NUDT5: variants seen among roughly 807,000 people sequenced by gnomAD.
The protein encoded by NUDT5 is nudix hydrolase 5.
A neutral mutation model predicts 34.1 loss-of-function variants in NUDT5; 21 were observed. The ratio of observed to expected loss-of-function variants is 0.62; its 90% CI spans 0.44 to 0.89. The LOEUF (loss-of-function observed/expected upper bound fraction) is 0.89, where lower values mean the gene tolerates loss of function less well. NUDT5 is among the 40% of genes least tolerant of loss of function. The pLI is 0.00. For missense variants in NUDT5, 249 were observed against 274.8 expected, an observed-to-expected ratio of 0.91 and a Z score of 0.66; for synonymous variants, 85 against 97.6, an observed-to-expected ratio of 0.87 and a Z score of 0.76.
chr10:12,178,852 A>G (rs1021632622), intron 4 of NUDT5, among the ~76,000 whole-genome samples: 42 of 152,260 alleles, frequency 2.8e-4, no homozygotes, highest in Non-Finnish European at 5.1e-4. Context: ...ACATTTAGTT[A>G]TAAACATTAG....
rs1834817421 is a variant in NUDT5 at position 12,169,955 on chromosome 10, A to G, written c.550+762T>C. ...TTATACCCAATAAAATATTCCCATG[A>G]TGACAAGTGTCTGCTTCTTTCTAGA... On this transcript the variant is annotated intron_variant, in intron 9 of 9. Transcript: ENST00000491614. This position sits in a 1 kb window ranked among gnomAD's most constrained non-coding sequence, Gnocchi z 4.8. The G allele has an allele frequency of 1.6e-6, 1 of 626,818 alleles. No individual in the cohort carries two copies. The highest frequency in any genetic ancestry group is 2.9e-5 in the Admixed American group (1 of 34,722). 38.8% of individuals were successfully genotyped at this position (626,818 alleles called of 1,614,324 possible).
rs1347854443 is a variant in NUDT5 at position 12,181,126 on chromosome 10, C to T, written c.132-1994G>A. ...TTGAAAATATTTAGGAAAAAAATTGCATCTATACTGAACAGGTCCACACTT... is the reference window on the plus strand; with the variant it reads ...TTGAAAATATTTAGGAAAAAAATTGTATCTATACTGAACAGGTCCACACTT... On this transcript the variant is annotated intron_variant, in intron 3 of 9. Transcript: ENST00000491614. This position sits in a 1 kb window ranked among gnomAD's most constrained non-coding sequence, Gnocchi z 5.0. 6.6e-6 allele frequency among the ~76,000 whole-genome samples: 1 copy of T among 152,156 alleles called. No individual in the cohort carries two copies. Among genetic ancestry groups the T allele is most frequent in the African/African-American group, 2.4e-5 (1 of 41,434 alleles).
chr10:12,181,995 A>C lies in NUDT5; in HGVS notation c.132-2863T>G, dbSNP rs968550228. The stretch of plus-strand genomic sequence containing the variant: ...AAAAATACAAAAATCAGCCAGGCCC[A>C]GTGGCATGCACCTCTAGTCCCAGCT... On this transcript the variant is annotated intron_variant, in intron 3 of 9. Transcript: ENST00000491614. The surrounding 1 kb of genome is among the most constrained non-coding windows in gnomAD (Gnocchi z 5.0). Among the ~76,000 whole-genome samples, 2 of 152,032 alleles carry C rather than the reference A, an allele frequency of 1.3e-5. No homozygotes were observed. Among genetic ancestry groups the C allele is most frequent in the African/African-American group, 4.8e-5 (2 of 41,408 alleles).
chr10:12,173,858 TC>T lies in NUDT5; in HGVS notation c.290-46del, dbSNP rs1343437272. The stretch of plus-strand genomic sequence containing the variant: ...GTGTGATGGGAGCGGGAAATCCGGT[TC>T]TTTAAACCCTCCTTTTTTTTTTTTT... On this transcript the variant is annotated intron_variant, in intron 5 of 9. Coordinates refer to ENST00000491614, the MANE Select transcript of NUDT5 (RefSeq NM_014142.4). The surrounding 1 kb of genome is among the most constrained non-coding windows in gnomAD (Gnocchi z 4.7). The T allele has an allele frequency of 1.5e-6, 2 of 1,377,572 alleles. No individual in the cohort carries two copies. Among genetic ancestry groups the T allele is most frequent in the East Asian group, 4.7e-5 (2 of 42,230 alleles). 85.3% of individuals were successfully genotyped at this position (1,377,572 alleles called of 1,614,324 possible).
At position 12,171,029 on chromosome 10, in the gene NUDT5, C is replaced by A; in HGVS notation, c.488-121G>T. ...TCACAGAAGCCTGGGTTTCTGCTAA[C>A]TTAATTTATATACATTGTCAAACTC... On this transcript the variant is annotated intron_variant, in intron 7 of 9. Coordinates refer to ENST00000491614, the MANE Select transcript of NUDT5 (RefSeq NM_014142.4). This position sits in a 1 kb window ranked among gnomAD's most constrained non-coding sequence, Gnocchi z 4.2. The A allele has an allele frequency of 9.7e-7, 1 of 1,025,976 alleles. No individual in the cohort carries two copies. Among genetic ancestry groups the A allele is most frequent in the Non-Finnish European group, 1.5e-6 (1 of 688,852 alleles). 63.6% of individuals were successfully genotyped at this position (1,025,976 alleles called of 1,614,324 possible). A position where few individuals can be genotyped will look rare whatever the true frequency, so the allele number is the denominator to read the frequency against.
In NUDT5 at chr10:12,181,047, A is replaced by T. The variant is rs1364472435; in HGVS notation, c.132-1915T>A. Among the ~76,000 whole-genome samples, 1 of 152,066 alleles carries T rather than the reference A, an allele frequency of 6.6e-6. No homozygotes were observed. The highest frequency in any genetic ancestry group is 1.5e-5 in the Non-Finnish European group (1 of 68,016). ...CTCTAGCTGCTATTTTATCTCTTAGACTCGGCCCTTCATATCCGTGGGTTC... is the reference window on the plus strand; with the variant it reads ...CTCTAGCTGCTATTTTATCTCTTAGTCTCGGCCCTTCATATCCGTGGGTTC... On this transcript the variant is annotated intron_variant, in intron 3 of 9. Transcript: ENST00000491614. This position sits in a 1 kb window ranked among gnomAD's most constrained non-coding sequence, Gnocchi z 5.0.
At chr10:12,172,721 G>A (rs540516382) in intron 7 of NUDT5, 44 bp downstream of exon 7, 10 of 1,346,136 alleles carry the variant, frequency 7.4e-6, no homozygotes, top group East Asian at 6.9e-5. Context: ...TCCAAGACAC[G>A]TAATGCAACC....
At chr10:12,185,084 T>C (rs1835104370) in intron 2 of NUDT5, 128 bp from the exon 3 acceptor site, 4 of 589,642 alleles carry the variant, frequency 6.8e-6, no homozygotes, top group Admixed American at 3.3e-5. Flanking sequence ...TTCCCAATAA[T>C]CTGTGGGCAC....
At chr10:12,189,484 A>G (rs1835186388) in intron 1 of NUDT5, among the ~76,000 whole-genome samples, 1 of 152,192 alleles carries the variant, frequency 6.6e-6, no homozygotes, top group Non-Finnish European at 1.5e-5. Context: ...TGATTCCGTG[A>G]ATGACAAAAA....
Position 12,181,467 on chromosome 10 carries a change from C to A in NUDT5, c.132-2335G>T, listed in dbSNP as rs1264350127. On this transcript the variant is annotated intron_variant, in intron 3 of 9. Coordinates refer to ENST00000491614, the MANE Select transcript of NUDT5 (RefSeq NM_014142.4). The surrounding 1 kb of genome is among the most constrained non-coding windows in gnomAD (Gnocchi z 5.0). The stretch of plus-strand genomic sequence containing the variant: ...TCAGATTTTGAAATATTTGCCTTAC[C>A]CTCTGGGTGTCATGCAGGCCTTTTT... Among the ~76,000 whole-genome samples the A allele has an allele frequency of 6.6e-6, 1 of 152,112 alleles. No homozygotes were observed. The highest frequency in any genetic ancestry group is 1.5e-5 in the Non-Finnish European group (1 of 68,034).
At chr10:12,192,284 C>A (rs1421538936) in intron 1 of NUDT5, among the ~76,000 whole-genome samples, 4 of 149,270 alleles carry the variant, frequency 2.7e-5, no homozygotes, top group Admixed American at 6.7e-5. Flanking sequence ...AGCATGGTGA[C>A]AGAGTGAGAC....
rs1043735981 is a variant in NUDT5, at chr10:12,182,478, C to T, written c.131+2411G>A. Among the ~76,000 whole-genome samples, 1 of 152,122 alleles carries T rather than the reference C, an allele frequency of 6.6e-6. No individual in the cohort carries two copies. Among genetic ancestry groups the T allele is most frequent in the Non-Finnish European group, 1.5e-5 (1 of 68,038 alleles). On this transcript the variant is annotated intron_variant, in intron 3 of 9. Coordinates refer to ENST00000491614, the MANE Select transcript of NUDT5 (RefSeq NM_014142.4). This position sits in a 1 kb window ranked among gnomAD's most constrained non-coding sequence, Gnocchi z 4.3. ...GACATTCTGGTATAAAATATTAGTG[C>T]TTTACATAAATCCTCTTCAGAGGCC...
chr10:12,189,757 C>T (rs1194069787), intron 1 of NUDT5, among the ~76,000 whole-genome samples: 1 of 152,296 alleles, frequency 6.6e-6, no homozygotes, highest in Non-Finnish European at 1.5e-5. Context: ...ACTGACTCAA[C>T]GCTATTTCAA....
At position 12,170,801 on chromosome 10, in the gene NUDT5, G is replaced by A. The variant is rs1834837931; in HGVS notation, c.497-31C>T. The A allele has an allele frequency of 6.2e-7, 1 of 1,613,686 alleles. No individual in the cohort carries two copies. Among genetic ancestry groups the A allele is most frequent in the African/African-American group, 1.3e-5 (1 of 74,896 alleles). ...CAGACAAAGTGCAAGTGAAAACAAA[G>A]CTAACGTCAAGAGCCTACCAAAACA... On this transcript the variant is annotated intron_variant, in intron 8 of 9. Transcript: ENST00000491614. This position sits in a 1 kb window ranked among gnomAD's most constrained non-coding sequence, Gnocchi z 4.9.
chr10:12,172,970 T>G (rs1834884805), intron 6 of NUDT5, 104 bp from the exon 7 acceptor site: 4 of 802,088 alleles, frequency 5.0e-6, no homozygotes, highest in Non-Finnish European at 8.2e-6. Flanking sequence ...GACGTGGAGG[T>G]GATGCGGGAA....
intron 1 of NUDT5, among the ~76,000 whole-genome samples, chr10:12,188,447 C>T (rs965309977): frequency 3.3e-5 from 5 of 152,152 alleles, no homozygotes; most frequent in Admixed American, 1.3e-4. Flanking sequence ...GCGGTGAGGC[C>T]GGGTGCGGTG....
chr10:12,182,843 TCTC>T lies in NUDT5; in HGVS notation c.131+2043_131+2045del, dbSNP rs1835066486. 2.0e-5 allele frequency among the ~76,000 whole-genome samples: 3 copies of T among 152,148 alleles called. No homozygotes were observed. Among genetic ancestry groups the T allele is most frequent in the African/African-American group, 7.2e-5 (3 of 41,434 alleles). On this transcript the variant is annotated intron_variant, in intron 3 of 9. Coordinates refer to ENST00000491614, the MANE Select transcript of NUDT5 (RefSeq NM_014142.4). This position sits in a 1 kb window ranked among gnomAD's most constrained non-coding sequence, Gnocchi z 4.3. ...CCACCTCCTCCCGGGCTCAAGCAAT[TCTC>T]CTGTCTCAGCCTCCGGGGTAGCTGG...
chr10:12,173,848 G>T lies in NUDT5; in HGVS notation c.290-35C>A. The T allele has an allele frequency of 6.7e-7, 1 of 1,484,948 alleles. No homozygotes were observed. 92.0% of individuals were successfully genotyped at this position (1,484,948 alleles called of 1,614,324 possible). A position where few individuals can be genotyped will look rare whatever the true frequency, so the allele number is the denominator to read the frequency against. ...CAAATCATTGGTGTGATGGGAGCGG[G>T]AAATCCGGTTCTTTAAACCCTCCTT... On this transcript the variant is annotated intron_variant, in intron 5 of 9. Transcript: ENST00000491614. The surrounding 1 kb of genome is among the most constrained non-coding windows in gnomAD (Gnocchi z 4.7).
chr10:12,186,225 A>C lies in NUDT5; in HGVS notation c.63+4T>G. On this transcript the variant is annotated splice_donor_region_variant and intron_variant, in intron 2 of 9. Coordinates refer to ENST00000491614, the MANE Select transcript of NUDT5 (RefSeq NM_014142.4). ...GGGAAGGGAAAGTGAAAAACAAGTT[A>C]TACCTCCTCTGAAATGATATACTGT... The C allele has an allele frequency of 6.2e-7, 1 of 1,609,446 alleles. No individual in the cohort carries two copies. Among genetic ancestry groups the C allele is most frequent in the East Asian group, 2.2e-5 (1 of 44,860 alleles).
Sources: gnomAD v4.1 joint callset for allele counts (sites outside exome capture counted in the v4.1 genomes callset) on GRCh38, gnomAD v4.1.1 for gene constraint, Gnocchi (gnomAD v3.1) non-coding constraint, MANE v1.5 for transcripts, NCBI Gene and HGNC (gene_info 2026-07-23, HGNC 2026-07-21) for gene names.